SRFBP1: variants seen among roughly 807,000 people sequenced by gnomAD.
The protein encoded by SRFBP1 is serum response factor binding protein 1, also known as serum response factor-binding protein 1.
A neutral mutation model predicts 45.5 loss-of-function variants in SRFBP1; 47 were observed. The observed-to-expected ratio is 1.03, with a 90% CI of 0.82 to 1.32. SRFBP1 has a LOEUF of 1.32. SRFBP1 is among the 40% of genes most tolerant of loss of function. SRFBP1 has a pLI of 0.00. For missense variants in SRFBP1, 621 were observed against 484.6 expected, an observed-to-expected ratio of 1.28 and a Z score of -2.64; for synonymous variants, 203 against 166.3, an observed-to-expected ratio of 1.22 and a Z score of -1.70.
At chr5:121,994,775 G>A in intron 4 of SRFBP1, 105 bp downstream of exon 4, 1 of 702,246 alleles carries the variant, frequency 1.4e-6, no homozygotes. Flanking sequence ...CTATTAGTTT[G>A]TAATTAGTTT....
At chr5:122,070,300 G>T (rs1275907112) in intron 2 of SRFBP1, 2 of 666,660 alleles carry the variant, frequency 3.0e-6, no homozygotes, top group East Asian at 5.3e-5. Context: ...CTCTGGAGAC[G>T]TTATGGAAAG....
At chr5:121,970,421 ATT>A (rs1448131573) in intron 1 of SRFBP1, among the ~76,000 whole-genome samples, 3 of 152,096 alleles carry the variant, frequency 2.0e-5, no homozygotes, top group Non-Finnish European at 4.4e-5. Flanking sequence ...AATTAGAAAC[ATT>A]TGTTAATATA....
chr5:122,006,465 ATTTC>A (rs147155240), intron 4 of SRFBP1, among the ~76,000 whole-genome samples: 4,160 of 152,064 alleles, frequency 0.027, 199 homozygotes, highest in African/African-American at 0.095. Flanking sequence ...TTCTGATATT[ATTTC>A]TTTATGTAAG....
At chr5:121,999,898 C>A (rs1752820556) in intron 4 of SRFBP1, among the ~76,000 whole-genome samples, 1 of 152,040 alleles carries the variant, frequency 6.6e-6, no homozygotes, top group African/African-American at 2.4e-5. Context: ...ATCTGATAAT[C>A]TCTCTTTTAA....
At chr5:122,048,861 A>G (rs971946751) in intron 2 of SRFBP1, among the ~76,000 whole-genome samples, 1 of 152,068 alleles carries the variant, frequency 6.6e-6, no homozygotes, top group Admixed American at 6.5e-5. Context: ...CTCTGATGGT[A>G]GTTTGTCTTT....
intron 3 of SRFBP1, among the ~76,000 whole-genome samples, chr5:121,978,112 C>G (rs1752340651): frequency 6.6e-6 from 1 of 152,250 alleles, no homozygotes; most frequent in African/African-American, 2.4e-5. Flanking sequence ...AAGTCTCTTA[C>G]TCAATAATAA....
chr5:122,022,346 A>G lies in SRFBP1; in HGVS notation c.1068-24A>G, dbSNP rs781452700. Reference sequence around the variant, plus strand: ...TCAGAGGATTTATCTTTAAAAAGTCATAATGGTGTTTTTCTTCTTTTAGAA... The same window carrying G: ...TCAGAGGATTTATCTTTAAAAAGTCGTAATGGTGTTTTTCTTCTTTTAGAA... On this transcript the variant is annotated intron_variant, in intron 6 of 7. Transcript: ENST00000339397. 11 of 1,594,866 alleles carry G rather than the reference A, an allele frequency of 6.9e-6. No individual in the cohort carries two copies. The South Asian group carries it at 1.0e-4, about 15-fold the overall frequency.
chr5:122,054,967 A>C (rs904513164), intron 2 of SRFBP1, among the ~76,000 whole-genome samples: 1 of 152,222 alleles, frequency 6.6e-6, no homozygotes, highest in Admixed American at 6.5e-5. Context: ...CTTATTGAAG[A>C]TCACACAGCC....
At chr5:122,046,388 A>G (rs1014820220) in intron 2 of SRFBP1, among the ~76,000 whole-genome samples, 1 of 152,124 alleles carries the variant, frequency 6.6e-6, no homozygotes, top group Non-Finnish European at 1.5e-5. Context: ...ATCAGTTTTT[A>G]TGGCTGCATA....
chr5:121,999,411 A>G (rs562360673), intron 4 of SRFBP1, among the ~76,000 whole-genome samples: 8 of 152,110 alleles, frequency 5.3e-5, no homozygotes, highest in African/African-American at 1.9e-4. Context: ...TAAATATTTC[A>G]TGTGCACTTG....
chr5:122,060,277 G>T (rs772349119), intron 2 of SRFBP1, among the ~76,000 whole-genome samples: 2 of 152,050 alleles, frequency 1.3e-5, no homozygotes, highest in Non-Finnish European at 2.9e-5. Context: ...GAGTTGGATT[G>T]TGTAGATGTT....
intron 4 of SRFBP1, among the ~76,000 whole-genome samples, chr5:122,003,247 C>T (rs1752910106): frequency 6.6e-6 from 1 of 150,982 alleles, no homozygotes; most frequent in African/African-American, 2.4e-5. Context: ...CAGGAGGCTA[C>T]ACTGGGAGAA....
chr5:122,063,256 A>G (rs889818786), intron 2 of SRFBP1: 3 of 151,972 alleles, frequency 2.0e-5, no homozygotes, highest in Admixed American at 1.3e-4. Flanking sequence ...GTATAGATGT[A>G]TAATAAAAGA....
chr5:122,020,233 T>C lies in SRFBP1; in HGVS notation c.498T>C (p.Ser166=), dbSNP rs1277948403. The C allele has an allele frequency of 6.2e-7, 1 of 1,613,040 alleles. No individual in the cohort carries two copies. The highest frequency in any genetic ancestry group is 8.5e-7 in the Non-Finnish European group (1 of 1,179,732). ...SNLQREATVI[S]EQKVKETKIL... ...TACAGCGTGAAGCAACTGTCATCAG[T>C]GAGCAAAAAGTCAAAGAAACCAAAA... is the stretch of plus-strand genomic sequence containing the variant. The change falls in exon 6 of 8, where the codon AGT becomes AGC. Residue 166 remains serine, a synonymous_variant. Transcript: ENST00000339397.
At chr5:122,068,328 A>G (rs1242074044) in intron 2 of SRFBP1, among the ~76,000 whole-genome samples, 2 of 152,126 alleles carry the variant, frequency 1.3e-5, no homozygotes, top group Non-Finnish European at 2.9e-5. Context: ...GATTAAAAGC[A>G]AGAGACATTC....
chr5:122,045,697 A>G (rs964653495), intron 2 of SRFBP1, among the ~76,000 whole-genome samples: 11 of 152,156 alleles, frequency 7.2e-5, no homozygotes, highest in African/African-American at 2.4e-4. Flanking sequence ...ATTTTTATAC[A>G]TTGATTTTGT....
chr5:122,065,114 T>G (rs1417905003), intron 2 of SRFBP1: 1 of 152,102 alleles, frequency 6.6e-6, no homozygotes, highest in Non-Finnish European at 1.5e-5. Context: ...AAGCTCTGTC[T>G]GTATTGTCTA....
intron 7 of SRFBP1, 43 bp from the exon 8 acceptor site, chr5:122,026,899 C>T: frequency 7.4e-7 from 1 of 1,359,006 alleles, no homozygotes; most frequent in Non-Finnish European, 1.0e-6. Context: ...CCTATATGCT[C>T]TTTAAGTATA....
chr5:122,077,703 G>C (rs767792972), downstream of SRFBP1: 8 of 1,592,020 alleles, frequency 5.0e-6, no homozygotes, highest in Non-Finnish European at 6.8e-6. The surrounding 1 kb of genome is among the most constrained non-coding windows in gnomAD (Gnocchi z 4.9). Flanking sequence ...CGGTTGTCGC[G>C]GATCAGCAGG....
Sources: allele counts gnomAD v4.1 joint callset (sites outside exome capture counted in the v4.1 genomes callset), GRCh38; gene constraint gnomAD v4.1.1; non-coding constraint Gnocchi (gnomAD v3.1); transcripts MANE v1.5; gene names NCBI Gene and HGNC (gene_info 2026-07-23, HGNC 2026-07-21).